Variants in RELN observed in about 807,000 individuals in gnomAD.
RELN encodes reelin.
Under a neutral mutation model 427.6 loss-of-function variants are expected in RELN, and 108 were observed. The ratio of observed to expected loss-of-function variants is 0.25; its 90% CI spans 0.22 to 0.30. RELN has a LOEUF of 0.30. Among genes scored for constraint, RELN ranks in the 10% least tolerant of loss-of-function variants. The pLI, the probability that RELN is intolerant of heterozygous loss-of-function variation, is 1.00. For synonymous variants in RELN, 1,524 were observed against 1,513.4 expected, an observed-to-expected ratio of 1.01 and a Z score of -0.16; for missense variants, 3,715 against 4,302.8, an observed-to-expected ratio of 0.86 and a Z score of 3.82.
Position 103,889,907 on chromosome 7 carries a change from C to T in RELN, c.337+27168G>A, listed in dbSNP as rs188914388. ...ACACAGAATTTGTGCCAGCTAAAAA[C>T]GTGACCTTTCCAATTCTGATTTAGT... On this transcript the variant is annotated intron_variant, in intron 2 of 64. Transcript: ENST00000428762. 2.3e-3 allele frequency among the ~76,000 whole-genome samples: 352 copies of T among 152,276 alleles called. 3 individuals carry two copies. The highest frequency in any genetic ancestry group is 4.4e-3 in the Non-Finnish European group (298 of 68,010).
chr7:103,866,233 T>G (rs1043353300), intron 2 of RELN, among the ~76,000 whole-genome samples: 2 of 152,100 alleles, frequency 1.3e-5, no homozygotes, highest in African/African-American at 4.8e-5. Context: ...AAGCAAAGAA[T>G]AAAGACAATT....
chr7:103,621,081 C>T lies in RELN; in HGVS notation c.2702+8859G>A, dbSNP rs142789252. On this transcript the variant is annotated intron_variant, in intron 20 of 64. Coordinates refer to ENST00000428762, the MANE Select transcript of RELN (RefSeq NM_005045.4). Reference sequence around the variant, plus strand: ...TTAAGACTTTTGTAGGACCTCGATACTTTTAATTTTGAAATTTCATCTCAC... The same window carrying T: ...TTAAGACTTTTGTAGGACCTCGATATTTTTAATTTTGAAATTTCATCTCAC... Among the ~76,000 whole-genome samples, 93 of 152,296 alleles carry T rather than the reference C, an allele frequency of 6.1e-4. 1 individual carries two copies. The East Asian group carries it at 0.017, about 27-fold the overall frequency.
At chr7:103,633,541 A>AACT (rs1226036417) in intron 19 of RELN, among the ~76,000 whole-genome samples, 2 of 151,770 alleles carry the variant, frequency 1.3e-5, no homozygotes, top group Admixed American at 1.3e-4. Context: ...TTTTAAAAAA[A>AACT]CTCCACTTTG....
intron 50 of RELN, among the ~76,000 whole-genome samples, chr7:103,511,699 TA>T (rs35879785): frequency 4.0e-5 from 6 of 150,120 alleles, no homozygotes; most frequent in African/African-American, 1.2e-4. Flanking sequence ...TCCTGACTGT[TA>T]AAAAAAAAAT....
chr7:103,789,511 A>G (rs897840261), intron 3 of RELN, among the ~76,000 whole-genome samples: 2 of 152,200 alleles, frequency 1.3e-5, no homozygotes, highest in Admixed American at 1.3e-4. Context: ...CCCCATCAAA[A>G]CGTGAGTGAA....
intron 1 of RELN, among the ~76,000 whole-genome samples, chr7:103,983,245 G>A (rs1584420447): frequency 6.6e-6 from 1 of 152,096 alleles, no homozygotes; most frequent in Non-Finnish European, 1.5e-5. Flanking sequence ...TTCTTAGAGA[G>A]GATAGAATAA....
intron 2 of RELN, among the ~76,000 whole-genome samples, chr7:103,903,814 A>G (rs2116626443): frequency 6.6e-6 from 1 of 152,030 alleles, no homozygotes; most frequent in East Asian, 1.9e-4. Context: ...TAAAGTATCT[A>G]CAATGGTTTC....
intron 4 of RELN, among the ~76,000 whole-genome samples, chr7:103,757,589 A>G (rs1791192021): frequency 6.6e-6 from 1 of 152,230 alleles, no homozygotes. Context: ...ATGTTCTTAA[A>G]GAAGTGGGTT....
intron 4 of RELN, among the ~76,000 whole-genome samples, chr7:103,762,451 G>A (rs924106190): frequency 2.0e-5 from 3 of 152,150 alleles, no homozygotes; most frequent in Non-Finnish European, 2.9e-5. Flanking sequence ...GTGAGGAAAG[G>A]GTCCCTTTTG....
chr7:103,516,183 G>A (rs1829562844), intron 49 of RELN, among the ~76,000 whole-genome samples: 1 of 151,784 alleles, frequency 6.6e-6, no homozygotes, highest in Non-Finnish European at 1.5e-5. Flanking sequence ...AATTATACAT[G>A]AAAACCCAGG....
chr7:103,986,222 TATATGAAG>T (rs1267216615), intron 1 of RELN, among the ~76,000 whole-genome samples: 2 of 151,996 alleles, frequency 1.3e-5, no homozygotes, highest in Non-Finnish European at 2.9e-5. Flanking sequence ...ATTTAAAAGA[TATATGAAG>T]ATGAGAAAGA....
intron 12 of RELN, among the ~76,000 whole-genome samples, chr7:103,661,019 G>T (rs1833128669): frequency 6.6e-6 from 1 of 152,086 alleles, no homozygotes; most frequent in Admixed American, 6.5e-5. Context: ...GAAAACAAAG[G>T]CTCACCTTGA....
chr7:103,682,099 A>G lies in RELN; in HGVS notation c.1289+17T>C. On this transcript the variant is annotated intron_variant, in intron 11 of 64. Transcript: ENST00000428762. ...GTAAGTGCTACATACACAGCATGGG[A>G]GATAGCAATTACTTACCCTGTAGGC... 4 of 1,611,678 alleles carry G rather than the reference A, an allele frequency of 2.5e-6. No individual in the cohort carries two copies. Among genetic ancestry groups the G allele is most frequent in the Non-Finnish European group, 3.4e-6 (4 of 1,177,828 alleles).
chr7:103,761,497 A>G (rs960068886), intron 4 of RELN, among the ~76,000 whole-genome samples: 5 of 152,166 alleles, frequency 3.3e-5, no homozygotes, highest in Admixed American at 6.5e-5. Flanking sequence ...TCTCTTGGCC[A>G]TGCTAGAGTG....
At chr7:103,509,982 GGAAA>G in intron 51 of RELN, among the ~76,000 whole-genome samples, 2 of 152,212 alleles carry the variant, frequency 1.3e-5, no homozygotes, top group African/African-American at 4.8e-5. Flanking sequence ...TAAAAAGTCA[GGAAA>G]CAACAGATGC....
chr7:103,765,414 G>T (rs1791405155), intron 4 of RELN, among the ~76,000 whole-genome samples: 1 of 151,938 alleles, frequency 6.6e-6, no homozygotes, highest in Admixed American at 6.6e-5. Context: ...CCTTGCCTGG[G>T]GTCTGGTGCA....
In RELN at chr7:103,626,595, G is replaced by A. The variant is rs953471457; in HGVS notation, c.2702+3345C>T. Among the ~76,000 whole-genome samples the A allele has an allele frequency of 2.6e-5, 4 of 151,948 alleles. No individual in the cohort carries two copies. The highest frequency in any genetic ancestry group is 6.6e-5 in the Admixed American group (1 of 15,240). On this transcript the variant is annotated intron_variant, in intron 20 of 64. Transcript: ENST00000428762. This position sits in a 1 kb window ranked among gnomAD's most constrained non-coding sequence, Gnocchi z 4.4. ...TTGAATTCCTGGCCTCAGGTGATCC[G>A]CCCACCTTGGCCTCCAAAGTGCACA...
At chr7:103,585,261 G>C (rs1382095736) in intron 28 of RELN, among the ~76,000 whole-genome samples, 4 of 152,088 alleles carry the variant, frequency 2.6e-5, no homozygotes, top group African/African-American at 9.7e-5. Flanking sequence ...GGATCAATGA[G>C]ATGATAAGTT....
rs10631941 is a variant in RELN, at chr7:103,943,848, C to CAAAA, written c.227-26667_227-26664dup. Among the ~76,000 whole-genome samples, 448 of 76,406 alleles carry CAAAA rather than the reference C, an allele frequency of 5.9e-3. 23 individuals are homozygous for CAAAA. Among genetic ancestry groups the CAAAA allele is most frequent in the African/African-American group, 9.0e-3 (153 of 17,000 alleles). The allele number at this position is 76,406 out of a possible 152,430, so 50.1% of individuals were successfully genotyped here. On this transcript the variant is annotated intron_variant, in intron 1 of 64. Coordinates refer to ENST00000428762, the MANE Select transcript of RELN (RefSeq NM_005045.4). ...GGGGAATGGAGCAAGATTCTGTCTC[C>CAAAA]AAAAAAAAAAAAAAAAAAAAAGAAT...
Sources: gnomAD v4.1 joint callset for allele counts (sites outside exome capture counted in the v4.1 genomes callset) on GRCh38, gnomAD v4.1.1 for gene constraint, Gnocchi (gnomAD v3.1) non-coding constraint, MANE v1.5 for transcripts, NCBI Gene and HGNC (gene_info 2026-07-23, HGNC 2026-07-21) for gene names.